Variants in CDH13 observed in about 807,000 individuals in gnomAD.
CDH13 encodes the protein cadherin 13, also known as cadherin-13.
CDH13 carries 24 observed loss-of-function variants against 63.8 expected under a neutral mutation model. That is an observed-to-expected ratio of 0.38 (90% CI 0.27 to 0.53). The LOEUF (loss-of-function observed/expected upper bound fraction) is 0.53, where lower values mean the gene tolerates loss of function less well. CDH13 is among the 20% of genes least tolerant of loss of function. The pLI is 0.85. For missense variants in CDH13, 1,049 were observed against 903.1 expected (o/e 1.16, Z -2.07); for synonymous variants, 503 against 355.3 (o/e 1.42, Z -4.67).
chr16:83,412,906 C>G (rs563052611), intron 6 of CDH13, among the ~76,000 whole-genome samples: 1 of 152,154 alleles, frequency 6.6e-6, no homozygotes, highest in Admixed American at 6.5e-5. Context: ...CATGTTACTT[C>G]CTTTTTTAAA....
chr16:83,017,937 T>C (rs1056257612), intron 2 of CDH13, among the ~76,000 whole-genome samples: 17 of 152,236 alleles, frequency 1.1e-4, no homozygotes, highest in Non-Finnish European at 4.4e-5. Flanking sequence ...TTATCCATTT[T>C]TGTGAATCAA....
intron 3 of CDH13, among the ~76,000 whole-genome samples, chr16:83,081,321 T>C (rs537649084): frequency 1.3e-5 from 2 of 152,278 alleles, no homozygotes; most frequent in Non-Finnish European, 2.9e-5. Flanking sequence ...ATGGTCTATA[T>C]TTCAGAGGCC....
rs1917858132 is a variant in CDH13, at chr16:83,047,078, T to C, written c.366+14860T>C. Among the ~76,000 whole-genome samples, 1 of 152,120 alleles carries C rather than the reference T, an allele frequency of 6.6e-6. No individual in the cohort carries two copies. Among genetic ancestry groups the C allele is most frequent in the Non-Finnish European group, 1.5e-5 (1 of 68,024 alleles). ...TTCATCGAGTCAGGCAAATTAGGAT[T>C]CCTTTGACAGCAACTTTTTACAACT... is the stretch of plus-strand genomic sequence containing the variant. On this transcript the variant is annotated intron_variant, in intron 3 of 13. Transcript: ENST00000567109. This position sits in a 1 kb window ranked among gnomAD's most constrained non-coding sequence, Gnocchi z 4.9.
intron 2 of CDH13, among the ~76,000 whole-genome samples, chr16:82,997,564 C>G (rs1352183292): frequency 1.3e-5 from 2 of 152,194 alleles, no homozygotes; most frequent in Non-Finnish European, 2.9e-5. Context: ...TTCCCCTAAT[C>G]CCACCCAGTT....
chr16:83,571,791 G>A (rs1408140195), intron 7 of CDH13, among the ~76,000 whole-genome samples: 1 of 152,072 alleles, frequency 6.6e-6, no homozygotes, highest in Non-Finnish European at 1.5e-5. Context: ...CCTGTGGTTT[G>A]TCTCAATTCT....
At chr16:83,438,858 G>C (rs1222042131) in intron 6 of CDH13, among the ~76,000 whole-genome samples, 1 of 152,198 alleles carries the variant, frequency 6.6e-6, no homozygotes, top group Non-Finnish European at 1.5e-5. Flanking sequence ...CTAAACTGCA[G>C]ATATTCACAG....
intron 10 of CDH13, among the ~76,000 whole-genome samples, chr16:83,743,748 C>CTTTTTTTTTTTTTCTTTTTT (rs1912284064): frequency 1.3e-5 from 1 of 76,258 alleles, no homozygotes; most frequent in Admixed American, 2.4e-4. Context: ...TTTCTTTTTT[C>CTTTTTTTTTTTTTCTTTTTT]TTTTTTTTTT....
chr16:83,724,923 T>G (rs1910201769), intron 10 of CDH13, among the ~76,000 whole-genome samples: 1 of 152,164 alleles, frequency 6.6e-6, no homozygotes, highest in African/African-American at 2.4e-5. Context: ...CCCCTGGGAC[T>G]CCCTTATTGG....
intron 11 of CDH13, among the ~76,000 whole-genome samples, chr16:83,765,130 C>A (rs1011674451): frequency 2.0e-5 from 3 of 152,214 alleles, no homozygotes; most frequent in Non-Finnish European, 4.4e-5. Context: ...CATCCCACAT[C>A]TGCTTACATA....
chr16:82,792,527 C>T (rs183258185), intron 1 of CDH13, among the ~76,000 whole-genome samples: 5 of 152,272 alleles, frequency 3.3e-5, no homozygotes, highest in Admixed American at 2.0e-4. Context: ...TATAAGTTCT[C>T]TCCAAGTCAT....
At chr16:83,391,493 C>T (rs2091785450) in intron 6 of CDH13, among the ~76,000 whole-genome samples, 1 of 152,110 alleles carries the variant, frequency 6.6e-6, no homozygotes, top group African/African-American at 2.4e-5. Context: ...CATGAGCCAC[C>T]GTGCCAGCCA....
At chr16:83,003,412 CA>C (rs34093594) in intron 2 of CDH13, among the ~76,000 whole-genome samples, 1 of 151,126 alleles carries the variant, frequency 6.6e-6, no homozygotes, top group Non-Finnish European at 1.5e-5. Flanking sequence ...TTTTCTATCT[CA>C]AAAATCCAGG....
Position 83,670,918 on chromosome 16 carries a change from C to A in CDH13, c.1230C>A (p.Ser410Arg). The A allele has an allele frequency of 6.2e-7, 1 of 1,611,956 alleles. No individual in the cohort carries two copies. The highest frequency in any genetic ancestry group is 2.2e-5 in the East Asian group (1 of 44,836). Residue 410 changes from serine (S) to arginine (R), a missense_variant, in exon 9 of 14, where the codon AGC becomes AGA. Coordinates refer to ENST00000567109, the MANE Select transcript of CDH13 (RefSeq NM_001257.5). ...TCATCAACGGAAACCCCGGGCAGAG[C>A]TTTGAAATCCACACCAACCCTCAAA... is the stretch of plus-strand genomic sequence containing the variant. ...YTIINGNPGQSFEIHTNPQTN... is the reference protein window; with the variant it reads ...YTIINGNPGQRFEIHTNPQTN...
At chr16:83,747,416 A>G (rs10871277) in intron 10 of CDH13, among the ~76,000 whole-genome samples, 9,062 of 152,224 alleles carry the variant, frequency 0.06, 926 homozygotes, top group African/African-American at 0.21. Context: ...CACGTAAGAC[A>G]TGCCTTTCAC....
chr16:83,313,517 G>C (rs150220674), intron 5 of CDH13, among the ~76,000 whole-genome samples: 3 of 152,074 alleles, frequency 2.0e-5, no homozygotes, highest in African/African-American at 7.2e-5. Context: ...CAGCCAAATA[G>C]AGTGTGTCTG....
chr16:83,333,156 C>T (rs1182645531), intron 5 of CDH13, among the ~76,000 whole-genome samples: 2 of 152,024 alleles, frequency 1.3e-5, no homozygotes, highest in Admixed American at 6.5e-5. Context: ...ATGTCTTTTC[C>T]CTGGGAACTC....
chr16:82,887,991 C>T (rs1431334079), intron 2 of CDH13, among the ~76,000 whole-genome samples: 1 of 152,100 alleles, frequency 6.6e-6, no homozygotes, highest in Non-Finnish European at 1.5e-5. Context: ...CTTAAACACA[C>T]TGTTACTTCA....
chr16:83,698,106 C>A (rs1296837139), intron 10 of CDH13, among the ~76,000 whole-genome samples: 2 of 152,310 alleles, frequency 1.3e-5, no homozygotes, highest in East Asian at 3.9e-4. Context: ...AATAGGCACT[C>A]AATACATGTT....
chr16:83,332,251 G>A (rs977518130), intron 5 of CDH13, among the ~76,000 whole-genome samples: 9 of 151,788 alleles, frequency 5.9e-5, no homozygotes, highest in African/African-American at 1.9e-4. Context: ...AGTAATTCAC[G>A]CAATAAATTA....
Sources: gnomAD v4.1 joint callset for allele counts (sites outside exome capture counted in the v4.1 genomes callset) on GRCh38, gnomAD v4.1.1 for gene constraint, Gnocchi (gnomAD v3.1) non-coding constraint, MANE v1.5 for transcripts, NCBI Gene and HGNC (gene_info 2026-07-23, HGNC 2026-07-21) for gene names.